Variants in FSTL4 observed in about 807,000 individuals in gnomAD.
The protein encoded by FSTL4 is follistatin-related protein 4.
A neutral mutation model predicts 78.2 loss-of-function variants in FSTL4; 28 were observed. That is an observed-to-expected ratio of 0.36 (90% confidence interval 0.27 to 0.49). The LOEUF is 0.49. Among genes scored for constraint, FSTL4 ranks in the 20% least tolerant of loss-of-function variants. The pLI is 0.98. For synonymous variants in FSTL4, 422 were observed against 440.5 expected, an observed-to-expected ratio of 0.96 and a Z score of 0.53; for missense variants, 922 against 1,084.9, an observed-to-expected ratio of 0.85 and a Z score of 2.11.
At chr5:133,771,384 A>C in the FSTL4 span, among the ~76,000 whole-genome samples, 3 of 151,996 alleles carry the variant, frequency 2.0e-5, no homozygotes, top group Admixed American at 6.6e-5. Flanking sequence ...AGTCTTGTAC[A>C]ATTTCTTTAA....
At chr5:133,337,873 C>T (rs980645865) in intron 4 of FSTL4, among the ~76,000 whole-genome samples, 3 of 152,120 alleles carry the variant, frequency 2.0e-5, no homozygotes, top group Non-Finnish European at 2.9e-5. Context: ...ACTTTTAAGG[C>T]GCTAGGTAGT....
At chr5:133,474,778 T>C (rs534372211) in intron 3 of FSTL4, among the ~76,000 whole-genome samples, 1 of 152,342 alleles carries the variant, frequency 6.6e-6, no homozygotes, top group East Asian at 1.9e-4. Context: ...TCCTCTGTCT[T>C]AGCAGCTTCC....
chr5:133,307,217 C>A (rs1753677153), intron 6 of FSTL4, among the ~76,000 whole-genome samples: 1 of 152,126 alleles, frequency 6.6e-6, no homozygotes, highest in South Asian at 2.1e-4. Context: ...TAACCCAGGG[C>A]TGTGGGCACA....
intron 4 of FSTL4, among the ~76,000 whole-genome samples, chr5:133,397,883 G>T (rs981517174): frequency 6.6e-6 from 1 of 152,202 alleles, no homozygotes; most frequent in African/African-American, 2.4e-5. Context: ...TTGCTTGCAT[G>T]AAAAACAAGG....
At chr5:133,396,975 C>CT (rs1487479815) in intron 4 of FSTL4, among the ~76,000 whole-genome samples, 7 of 152,194 alleles carry the variant, frequency 4.6e-5, no homozygotes, top group Non-Finnish European at 1.0e-4. Flanking sequence ...GAAGGGGCCC[C>CT]TTAAAACAGA....
In FSTL4 at chr5:133,475,931, A is replaced by T. The variant is rs779301603; in HGVS notation, c.161-74945T>A. ...GTGGTGGAACTGGCTTTTAATGTCC[A>T]CCCTCCAGAGGAGTCTGGGCGAATA... On this transcript the variant is annotated intron_variant, in intron 3 of 15. Coordinates refer to ENST00000265342, the MANE Select transcript of FSTL4 (RefSeq NM_015082.2). 3.3e-5 allele frequency among the ~76,000 whole-genome samples: 5 copies of T among 151,950 alleles called. 1 individual carries two copies. Among genetic ancestry groups the T allele is most frequent in the African/African-American group, 4.8e-5 (2 of 41,360 alleles).
At chr5:133,551,065 T>C (rs1346687463) in intron 3 of FSTL4, among the ~76,000 whole-genome samples, 1 of 152,218 alleles carries the variant, frequency 6.6e-6, no homozygotes, top group Admixed American at 6.5e-5. Context: ...TTCTTACTAT[T>C]ACTTAGAACA....
chr5:133,203,971 AAGAT>A (rs3087069), intron 14 of FSTL4, among the ~76,000 whole-genome samples: 92,773 of 151,576 alleles, frequency 0.61, 28,702 homozygotes, highest in Middle Eastern at 0.71. Context: ...CAGTGCCCTA[AAGAT>A]AGATAACTGT....
At chr5:133,564,767 G>T (rs1352461037) in intron 3 of FSTL4, among the ~76,000 whole-genome samples, 1 of 152,190 alleles carries the variant, frequency 6.6e-6, no homozygotes, top group Non-Finnish European at 1.5e-5. Flanking sequence ...ATCTACGGCT[G>T]GAGGGGAAGA....
In FSTL4 at chr5:133,312,644, C is replaced by A; in HGVS notation, c.727+10G>T. 2 of 1,613,748 alleles carry A rather than the reference C, an allele frequency of 1.2e-6. No homozygotes were observed. Among genetic ancestry groups the A allele is most frequent in the Non-Finnish European group, 1.7e-6 (2 of 1,179,798 alleles). ...GAAATAAGCCCTTTTCCCACTGGGA[C>A]CCAACTTACGGAAGGCCATGTAGAA... On this transcript the variant is annotated intron_variant, in intron 6 of 15. Coordinates refer to ENST00000265342, the MANE Select transcript of FSTL4 (RefSeq NM_015082.2).
At chr5:133,821,255 G>T in the FSTL4 span, among the ~76,000 whole-genome samples, 1 of 152,310 alleles carries the variant, frequency 6.6e-6, no homozygotes, top group East Asian at 1.9e-4. Flanking sequence ...TCAGCAAAAG[G>T]TCAAGTTTTC....
chr5:133,446,235 T>G (rs896676809), intron 3 of FSTL4, among the ~76,000 whole-genome samples: 2 of 151,888 alleles, frequency 1.3e-5, no homozygotes, highest in African/African-American at 4.8e-5. Flanking sequence ...AGGTCAGGAG[T>G]TGGAGACCAG....
In FSTL4 at chr5:133,611,974, G is replaced by C. The variant is rs1761106344; in HGVS notation, c.-11+351C>G. ...CCTGCAGGATTTCGGAGCCGGGCGC[G>C]AGCTGCGGGCTCGGCCCGAGCGCTT... On this transcript the variant is annotated intron_variant, in intron 1 of 15. Transcript: ENST00000265342. This position sits in a 1 kb window ranked among gnomAD's most constrained non-coding sequence, Gnocchi z 4.9. Among the ~76,000 whole-genome samples, 1 of 152,014 alleles carries C rather than the reference G, an allele frequency of 6.6e-6. No individual in the cohort carries two copies. Among genetic ancestry groups the C allele is most frequent in the Admixed American group, 6.5e-5 (1 of 15,276 alleles).
At chr5:133,706,816 A>T in the FSTL4 span, among the ~76,000 whole-genome samples, 1 of 152,106 alleles carries the variant, frequency 6.6e-6, no homozygotes, top group Non-Finnish European at 1.5e-5. Context: ...ACCGTGCAAT[A>T]CTGCTCAGGG....
chr5:133,679,457 A>G, the FSTL4 span, among the ~76,000 whole-genome samples: 1 of 152,080 alleles, frequency 6.6e-6, no homozygotes, highest in African/African-American at 2.4e-5. Flanking sequence ...TCCCTCAAGC[A>G]TCTGAGGACT....
intron 6 of FSTL4, among the ~76,000 whole-genome samples, chr5:133,262,711 T>A (rs181843102): frequency 6.6e-6 from 1 of 152,200 alleles, no homozygotes; most frequent in Non-Finnish European, 1.5e-5. Flanking sequence ...TTGACACTTA[T>A]GTGATTTTTT....
At chr5:133,594,529 G>A (rs2112970434) in intron 2 of FSTL4, among the ~76,000 whole-genome samples, 1 of 152,310 alleles carries the variant, frequency 6.6e-6, no homozygotes, top group South Asian at 2.1e-4. Context: ...GCTAATATGA[G>A]AACAGCAGTA....
At chr5:133,787,955 C>T in the FSTL4 span, among the ~76,000 whole-genome samples, 1 of 152,202 alleles carries the variant, frequency 6.6e-6, no homozygotes, top group South Asian at 2.1e-4. Flanking sequence ...GAGCCTGGAA[C>T]TTAGTTGGTG....
chr5:133,406,244 G>A (rs1174815502), intron 3 of FSTL4, among the ~76,000 whole-genome samples: 3 of 152,236 alleles, frequency 2.0e-5, no homozygotes, highest in African/African-American at 7.2e-5. Context: ...CTGGAACCTG[G>A]CATGCAGGGA....
Sources: allele counts gnomAD v4.1 joint callset (sites outside exome capture counted in the v4.1 genomes callset), GRCh38; gene constraint gnomAD v4.1.1; non-coding constraint Gnocchi (gnomAD v3.1); transcripts MANE v1.5; gene names NCBI Gene and HGNC (gene_info 2026-07-23, HGNC 2026-07-21).